The following BCAR3 variants were observed in gnomAD, a reference collection of about 807,000 sequenced individuals.
The protein encoded by BCAR3 is BCAR3 adaptor protein, NSP family member.
Under a neutral mutation model 80.1 loss-of-function variants are expected in BCAR3, and 37 were observed. The ratio of observed to expected loss-of-function variants is 0.46; its 90% CI spans 0.36 to 0.61. The LOEUF (loss-of-function observed/expected upper bound fraction) is 0.61. BCAR3 is among the 20% of genes least tolerant of loss of function. The probability of loss-of-function intolerance (pLI) is 0.00; values close to 1 mark genes in which losing one functional copy is unlikely to be tolerated. For synonymous variants in BCAR3, 389 were observed against 418.9 expected, an observed-to-expected ratio of 0.93 and a Z score of 0.87; for missense variants, 978 against 1,068.2, an observed-to-expected ratio of 0.92 and a Z score of 1.18.
chr1:93,784,162 TCCC>T (rs1652861939), intron 2 of BCAR3, among the ~76,000 whole-genome samples: 1 of 148,582 alleles, frequency 6.7e-6, no homozygotes, highest in Non-Finnish European at 1.5e-5. Context: ...TGATGAGTTT[TCCC>T]TACAGAATCC....
chr1:93,663,760 A>G (rs112259441), intron 2 of BCAR3, among the ~76,000 whole-genome samples: 4 of 152,314 alleles, frequency 2.6e-5, no homozygotes, highest in African/African-American at 9.6e-5. Context: ...TGAATACATC[A>G]AAGTGGCCCT....
intron 2 of BCAR3, among the ~76,000 whole-genome samples, chr1:93,745,619 T>C (rs2100701362): frequency 6.6e-6 from 1 of 152,320 alleles, no homozygotes; most frequent in Admixed American, 6.5e-5. Context: ...CAGAAGAAAG[T>C]GTCCTGGATT....
At chr1:93,837,245 T>A (rs1042581256) in intron 2 of BCAR3, among the ~76,000 whole-genome samples, 3 of 152,058 alleles carry the variant, frequency 2.0e-5, no homozygotes, top group Non-Finnish European at 4.4e-5. Flanking sequence ...AATAAAAAAA[T>A]AAATAAATTA....
In BCAR3 at chr1:93,634,927, T is replaced by A. The variant is rs573487344; in HGVS notation, c.357+7377A>T. 3.3e-5 allele frequency among the ~76,000 whole-genome samples: 5 copies of A among 152,330 alleles called. 1 individual carries two copies. The South Asian group carries it at 8.3e-4, about 25-fold the overall frequency. ...AACAGACTAACACAATGTGTGTTTC[T>A]GCGTATATCAACAGTCCACTCCTAG... On this transcript the variant is annotated intron_variant, in intron 3 of 11. Coordinates refer to ENST00000260502, the MANE Select transcript of BCAR3 (RefSeq NM_003567.4).
Position 93,718,513 on chromosome 1 carries a change from C to T in BCAR3, c.-62-12371G>A, listed in dbSNP as rs936742566. On this transcript the variant is annotated intron_variant, in intron 2 of 13. Coordinates refer to the BCAR3 transcript ENST00000370244. ...CTGCCATATCCTAGCTGTGGCCTTA[C>T]ATGCACTACTTCACACCTCTGGGCC... Among the ~76,000 whole-genome samples, 7 of 152,104 alleles carry T rather than the reference C, an allele frequency of 4.6e-5. No homozygotes were observed. The East Asian group carries it at 5.8e-4, about 13-fold the overall frequency.
intron 2 of BCAR3, among the ~76,000 whole-genome samples, chr1:93,838,305 G>A (rs148728921): frequency 1.0e-3 from 158 of 152,328 alleles, no homozygotes; most frequent in African/African-American, 3.7e-3. Flanking sequence ...CATGTGTGAA[G>A]GGGGAGAAAA....
At chr1:93,827,806 GAC>G (rs1226737186) in intron 2 of BCAR3, among the ~76,000 whole-genome samples, 1 of 151,978 alleles carries the variant, frequency 6.6e-6, no homozygotes, top group Non-Finnish European at 1.5e-5. Context: ...AGAAGTGATG[GAC>G]AGTGTTGGGG....
chr1:93,777,551 C>T (rs34761423), intron 2 of BCAR3, among the ~76,000 whole-genome samples: 17,676 of 151,560 alleles, frequency 0.12, 1,454 homozygotes, highest in African/African-American at 0.22. Context: ...CTTCCTCCTC[C>T]TCCTCCTCCA....
At chr1:93,680,210 A>T (rs892230367) in intron 1 of BCAR3, among the ~76,000 whole-genome samples, 9 of 152,222 alleles carry the variant, frequency 5.9e-5, no homozygotes, top group African/African-American at 2.2e-4. Context: ...TTACCCGATA[A>T]GGTTCTTAAG....
rs1485964155 is a variant in BCAR3, at chr1:93,599,704, A to T, written c.358-7311T>A. 3 of 152,124 alleles carry T rather than the reference A, an allele frequency of 2.0e-5. No homozygotes were observed. In the East Asian group the frequency reaches 5.8e-4, roughly 29 times the overall value. The allele number at this position is 152,124 out of a possible 1,614,324, so 9.4% of individuals were successfully genotyped here. A position where few individuals can be genotyped will look rare whatever the true frequency, so the allele number is the denominator to read the frequency against. ...CCCTTAGGGTCGGTGCCTGGTAGGG[A>T]TATTTACTGGAATCCGCATTAAAGC... On this transcript the variant is annotated intron_variant, in intron 3 of 11. Coordinates refer to ENST00000260502, the MANE Select transcript of BCAR3 (RefSeq NM_003567.4).
chr1:93,669,709 C>A (rs1378393126), intron 2 of BCAR3, among the ~76,000 whole-genome samples: 3 of 152,204 alleles, frequency 2.0e-5, no homozygotes, highest in African/African-American at 7.2e-5. Flanking sequence ...ACAACAGGAA[C>A]CAGTCCCCTC....
At position 93,642,347 on chromosome 1, in the gene BCAR3, A is replaced by G; in HGVS notation, c.318-4T>C. On this transcript the variant is annotated splice_polypyrimidine_tract_variant and splice_region_variant and intron_variant, in intron 2 of 11. Coordinates refer to ENST00000260502, the MANE Select transcript of BCAR3 (RefSeq NM_003567.4). Reference sequence around the variant, plus strand: ...TGGGTCCAGAAGATGTGGATCCCTGAAAAGAGAAAATATAAATATGAGAAT... The same window carrying G: ...TGGGTCCAGAAGATGTGGATCCCTGGAAAGAGAAAATATAAATATGAGAAT... 6.2e-7 allele frequency: 1 copy of G among 1,611,586 alleles called. No individual in the cohort carries two copies. The highest frequency in any genetic ancestry group is 8.5e-7 in the Non-Finnish European group (1 of 1,177,640).
chr1:93,567,628 G>T, intron 10 of BCAR3, 112 bp downstream of exon 10: 1 of 1,388,686 alleles, frequency 7.2e-7, no homozygotes, highest in Non-Finnish European at 1.0e-6. Context: ...TAAAAGCCCT[G>T]ATGAGCCATC....
intron 10 of BCAR3, 97 bp downstream of exon 10, chr1:93,567,643 G>A (rs1673011379): frequency 7.1e-7 from 1 of 1,401,038 alleles, no homozygotes; most frequent in Non-Finnish European, 1.0e-6. Context: ...GCCATCCACA[G>A]TGCTGCAGAT....
At chr1:93,616,202 G>T (rs1013211581) in intron 3 of BCAR3, among the ~76,000 whole-genome samples, 1 of 152,120 alleles carries the variant, frequency 6.6e-6, no homozygotes, top group African/African-American at 2.4e-5. Context: ...CAAAGAATTT[G>T]TTCCACCGGG....
rs1443131720 is a variant in BCAR3, at chr1:93,736,221, C to T, written c.-62-30079G>A. Among the ~76,000 whole-genome samples, 9 of 152,304 alleles carry T rather than the reference C, an allele frequency of 5.9e-5. No individual in the cohort carries two copies. The East Asian group carries it at 1.5e-3, about 26-fold the overall frequency. ...TTTGTTTTTGAGATGGAGTTTCACTCTTGTTGCCCAAGCTGGAGTGCAATG... is the reference window on the plus strand; with the variant it reads ...TTTGTTTTTGAGATGGAGTTTCACTTTTGTTGCCCAAGCTGGAGTGCAATG... On this transcript the variant is annotated intron_variant, in intron 2 of 13. Transcript: ENST00000370244.
At chr1:93,565,374 G>GTGAC (rs1293606480) in intron 11 of BCAR3, among the ~76,000 whole-genome samples, 6 of 107,572 alleles carry the variant, frequency 5.6e-5, no homozygotes, top group Non-Finnish European at 1.1e-4. Context: ...CCCCCAGATG[G>GTGAC]TGACTCCTAT....
rs144823241 is a variant in BCAR3 at position 93,611,527 on chromosome 1, G to A, written c.358-19134C>T. ...ACGGCTGTCTACTGTGAACCCCTTC[G>A]GGATATTAAAGTCATGACCCTCAAC... On this transcript the variant is annotated intron_variant, in intron 3 of 11. Coordinates refer to ENST00000260502, the MANE Select transcript of BCAR3 (RefSeq NM_003567.4). 5.1e-3 allele frequency among the ~76,000 whole-genome samples: 779 copies of A among 152,200 alleles called. 9 individuals carry two copies. The highest frequency in any genetic ancestry group is 0.018 in the African/African-American group (752 of 41,518).
intron 2 of BCAR3, among the ~76,000 whole-genome samples, chr1:93,813,837 A>T (rs1263170817): frequency 6.6e-6 from 1 of 152,182 alleles, no homozygotes; most frequent in Admixed American, 6.5e-5. Context: ...TCAGCCCAGG[A>T]TCCAATGAAA....
Sources: gnomAD v4.1 joint callset for allele counts (sites outside exome capture counted in the v4.1 genomes callset) on GRCh38, gnomAD v4.1.1 for gene constraint, MANE v1.5 for transcripts, NCBI Gene and HGNC (gene_info 2026-07-23, HGNC 2026-07-21) for gene names.